The following GPR149 variants were observed in gnomAD, a reference collection of about 807,000 sequenced individuals.
GPR149 encodes the protein probable G protein-coupled receptor 149.
In GPR149, 50 loss-of-function variants were observed where a neutral mutation model predicts 50.2. The observed-to-expected ratio is 1.00, with a 90% CI of 0.79 to 1.26. The LOEUF is 1.26. Among genes scored for constraint, GPR149 ranks in the 50% most tolerant of loss-of-function variants. The pLI is 0.00. For synonymous variants in GPR149, 405 were observed against 358.2 expected, an observed-to-expected ratio of 1.13 and a Z score of -1.48; for missense variants, 983 against 895.4, an observed-to-expected ratio of 1.10 and a Z score of -1.25.
rs1338437743 is a variant in GPR149, at chr3:154,427,611, A to G, written c.1079T>C (p.Val360Ala). Reference sequence around the variant, plus strand: ...GGTCCAGCGTTTGGACAAGACAAACACTGGGGTTACAGTGGTGGCCAGCAG... The same window carrying G: ...GGTCCAGCGTTTGGACAAGACAAACGCTGGGGTTACAGTGGTGGCCAGCAG... ...LTLLATTVTP[V>A]FVLSKRWTHL... Residue 360 changes from valine (V) to alanine (A), a missense_variant, in exon 2 of 4, where the codon GTG (valine) becomes GCG (alanine). Val to Ala is a moderately conservative substitution (Grantham distance 64). Coordinates refer to ENST00000389740, the MANE Select transcript of GPR149 (RefSeq NM_001038705.3). 2.5e-6 allele frequency: 4 copies of G among 1,614,230 alleles called. No homozygotes were observed. Among genetic ancestry groups the G allele is most frequent in the African/African-American group, 1.3e-5 (1 of 75,074 alleles).
At chr3:154,343,566 G>A (rs701140) in intron 3 of GPR149, among the ~76,000 whole-genome samples, 67,500 of 151,796 alleles carry the variant, frequency 0.44, 15,242 homozygotes, top group East Asian at 0.5. Flanking sequence ...TAAGAGACAG[G>A]AGACAAGTTG....
intron 3 of GPR149, among the ~76,000 whole-genome samples, chr3:154,401,465 C>T (rs1043248034): frequency 5.9e-5 from 9 of 152,014 alleles, no homozygotes; most frequent in Admixed American, 4.6e-4. Flanking sequence ...ACAGAGAGTA[C>T]AGGAAGCAAG....
intron 3 of GPR149, among the ~76,000 whole-genome samples, chr3:154,365,586 C>T (rs1714511712): frequency 6.6e-6 from 1 of 152,120 alleles, no homozygotes; most frequent in South Asian, 2.1e-4. Context: ...TTTTTCTCTT[C>T]TCACACTTTA....
chr3:154,396,546 T>C (rs1715298582), intron 3 of GPR149, among the ~76,000 whole-genome samples: 1 of 152,116 alleles, frequency 6.6e-6, no homozygotes, highest in Non-Finnish European at 1.5e-5. Context: ...TTTAAATTAA[T>C]CATTATATAA....
intron 3 of GPR149, among the ~76,000 whole-genome samples, chr3:154,398,881 G>A (rs1306427881): frequency 1.3e-5 from 2 of 152,088 alleles, no homozygotes; most frequent in Non-Finnish European, 2.9e-5. Context: ...TTCACCATTT[G>A]CTCAAATTAA....
intron 3 of GPR149, among the ~76,000 whole-genome samples, chr3:154,387,849 T>A (rs1313387623): frequency 6.6e-6 from 1 of 152,150 alleles, no homozygotes; most frequent in Admixed American, 6.6e-5. Flanking sequence ...TTACTCTACC[T>A]ATGCTGTTTC....
intron 3 of GPR149, among the ~76,000 whole-genome samples, chr3:154,365,776 A>T (rs1416281886): frequency 6.6e-6 from 1 of 152,150 alleles, no homozygotes; most frequent in East Asian, 1.9e-4. Flanking sequence ...CCAGTTTCCA[A>T]TAAGATATGC....
chr3:154,386,368 T>C (rs1715045234), intron 3 of GPR149, among the ~76,000 whole-genome samples: 1 of 152,224 alleles, frequency 6.6e-6, no homozygotes, highest in Non-Finnish European at 1.5e-5. Context: ...TTTGCAACAG[T>C]ACAGGCTCAG....
intron 3 of GPR149, among the ~76,000 whole-genome samples, chr3:154,390,294 A>G (rs1403575853): frequency 6.6e-6 from 1 of 152,228 alleles, no homozygotes; most frequent in Non-Finnish European, 1.5e-5. Flanking sequence ...AGAAAATTCA[A>G]ATAGATGCTT....
chr3:154,358,520 A>G (rs1714300823), intron 3 of GPR149, among the ~76,000 whole-genome samples: 1 of 152,210 alleles, frequency 6.6e-6, no homozygotes, highest in Non-Finnish European at 1.5e-5. Context: ...ATACTTGAAA[A>G]GAAACTTTAT....
At chr3:154,347,094 CAT>C (rs1713947614) in intron 3 of GPR149, among the ~76,000 whole-genome samples, 1 of 152,094 alleles carries the variant, frequency 6.6e-6, no homozygotes, top group Non-Finnish European at 1.5e-5. Flanking sequence ...ATCCTGAACT[CAT>C]AGATGATATA....
intron 3 of GPR149, among the ~76,000 whole-genome samples, chr3:154,341,932 G>A (rs867179792): frequency 6.6e-6 from 1 of 152,020 alleles, no homozygotes; most frequent in South Asian, 2.1e-4. Flanking sequence ...AATAAGCAGG[G>A]TAATTATACT....
chr3:154,401,417 G>A (rs1350196961), intron 3 of GPR149, among the ~76,000 whole-genome samples: 2 of 152,166 alleles, frequency 1.3e-5, no homozygotes, highest in Non-Finnish European at 1.5e-5. Flanking sequence ...CAAATCAGAT[G>A]GCATATTTTT....
rs143324170 is a variant in GPR149, at chr3:154,398,806, G to C, written c.1623+22233C>G. 5.3e-4 allele frequency among the ~76,000 whole-genome samples: 80 copies of C among 152,248 alleles called. No homozygotes were observed. The East Asian group carries it at 0.012, about 24-fold the overall frequency. Reference sequence around the variant, plus strand: ...ATACCATTTGTTCATGGATGCTCATGATTATTACCCCTTGATGACTTGGCA... The same window carrying C: ...ATACCATTTGTTCATGGATGCTCATCATTATTACCCCTTGATGACTTGGCA... On this transcript the variant is annotated intron_variant, in intron 3 of 3. Transcript: ENST00000389740.
chr3:154,382,958 C>T (rs968474717), intron 3 of GPR149, among the ~76,000 whole-genome samples: 6 of 152,080 alleles, frequency 3.9e-5, no homozygotes, highest in African/African-American at 1.2e-4. Context: ...ATTAGTGGGG[C>T]AGGATTAGGG....
chr3:154,427,199 T>C (rs1712326949), intron 2 of GPR149, among the ~76,000 whole-genome samples: 3 of 152,156 alleles, frequency 2.0e-5, no homozygotes, highest in South Asian at 2.1e-4. Flanking sequence ...CTAAGAACTA[T>C]GGTGAATGTA....
intron 3 of GPR149, among the ~76,000 whole-genome samples, chr3:154,364,983 A>G (rs1282447340): frequency 6.6e-6 from 1 of 152,082 alleles, no homozygotes; most frequent in African/African-American, 2.4e-5. Flanking sequence ...GACTTTTTGC[A>G]GTGGCCCCAC....
intron 3 of GPR149, 103 bp from the exon 4 acceptor site, chr3:154,338,374 A>C (rs1380596961): frequency 2.2e-6 from 2 of 920,524 alleles, no homozygotes; most frequent in Non-Finnish European, 3.2e-6. Context: ...TTTCTATTTC[A>C]GATCCATTTC....
chr3:154,386,219 C>A (rs1421525251), intron 3 of GPR149, among the ~76,000 whole-genome samples: 1 of 152,148 alleles, frequency 6.6e-6, no homozygotes, highest in East Asian at 1.9e-4. Context: ...AGAGGTCTAA[C>A]AATAGTTGTG....
Sources: gnomAD v4.1 joint callset for allele counts (sites outside exome capture counted in the v4.1 genomes callset) on GRCh38, gnomAD v4.1.1 for gene constraint, MANE v1.5 for transcripts, NCBI Gene and HGNC (gene_info 2026-07-23, HGNC 2026-07-21) for gene names.